CFAP77: variants seen among roughly 807,000 people sequenced by gnomAD.
CFAP77 encodes cilia and flagella associated protein 77, also known as cilia- and flagella-associated protein 77.
Under a neutral mutation model 31.1 loss-of-function variants are expected in CFAP77, and 25 were observed. That is an observed-to-expected ratio of 0.80 (90% CI 0.59 to 1.12). CFAP77 has a LOEUF of 1.12. Ranked by LOEUF, CFAP77 falls within the 50% of genes most tolerant of loss-of-function variation. The probability of loss-of-function intolerance (pLI) is 0.00; values close to 1 mark genes in which losing one functional copy is unlikely to be tolerated. For missense variants in CFAP77, 377 were observed against 397.3 expected (o/e 0.95, Z 0.44); for synonymous variants, 151 against 159.9 (o/e 0.94, Z 0.42).
intron 1 of CFAP77, among the ~76,000 whole-genome samples, chr9:132,479,056 A>C (rs544333719): frequency 6.6e-6 from 1 of 152,314 alleles, no homozygotes; most frequent in South Asian, 2.1e-4. Flanking sequence ...AGTCTTTTAC[A>C]ATAATGGGTA....
At chr9:132,537,737 G>A (rs1366797751) in intron 4 of CFAP77, 31 bp downstream of exon 4, 2 of 1,543,988 alleles carry the variant, frequency 1.3e-6, no homozygotes, top group Non-Finnish European at 1.8e-6. Flanking sequence ...CAAGTTGACA[G>A]CTGATGGGGT....
chr9:132,534,063 T>A (rs1370856593), intron 3 of CFAP77, among the ~76,000 whole-genome samples: 1 of 152,118 alleles, frequency 6.6e-6, no homozygotes, highest in Admixed American at 6.5e-5. Flanking sequence ...TCAAGATTGA[T>A]AACTGGGGTC....
intron 3 of CFAP77, among the ~76,000 whole-genome samples, chr9:132,514,149 T>A (rs1404330676): frequency 1.3e-5 from 2 of 149,674 alleles, no homozygotes; most frequent in Admixed American, 6.7e-5. Context: ...CCTGTGTCCC[T>A]GACCACGGGT....
chr9:132,413,271 C>G (rs1850039771), intron 1 of CFAP77, among the ~76,000 whole-genome samples: 2 of 152,096 alleles, frequency 1.3e-5, no homozygotes, highest in African/African-American at 4.8e-5. Flanking sequence ...CTGCAAGTTG[C>G]CACCATAACC....
At position 132,499,391 on chromosome 9, in the gene CFAP77, G is replaced by A. The variant is rs770937551; in HGVS notation, c.315G>A (p.Val105=). ...GVPEAIGRWN[V]FKQQPTCPHE... is the part of the protein sequence containing the mutation. ...CCTCAGCCATCGGACGCTGGAACGT[G>A]TTCAAGCAGCAGCCCACCTGCCCCC... is the stretch of plus-strand genomic sequence containing the variant. Residue 105 remains valine, a synonymous_variant, in exon 3 of 6, where the codon GTG becomes GTA. Transcript: ENST00000393216. The surrounding 1 kb of genome is among the most constrained non-coding windows in gnomAD (Gnocchi z 5.4). The A allele has an allele frequency of 2.5e-6, 4 of 1,614,052 alleles. No individual in the cohort carries two copies. In the Admixed American group the frequency reaches 5.0e-5, roughly 20 times the overall value.
intron 3 of CFAP77, among the ~76,000 whole-genome samples, chr9:132,507,432 T>A (rs1224295018): frequency 6.6e-6 from 1 of 152,144 alleles, no homozygotes; most frequent in African/African-American, 2.4e-5. Context: ...ATAAGAAACA[T>A]CAGATAAGCG....
rs1281539306 is a variant in CFAP77, at chr9:132,486,090, A to ATATAT, written c.196-12604_196-12603insATATT. Among the ~76,000 whole-genome samples, 19 of 15,362 alleles carry ATATAT rather than the reference A, an allele frequency of 1.2e-3. 6 individuals are homozygous for ATATAT. The highest frequency in any genetic ancestry group is 8.2e-3 in the African/African-American group (19 of 2,322). The allele number at this position is 15,362 out of a possible 152,430, so 10.1% of individuals were successfully genotyped here. On this transcript the variant is annotated intron_variant, in intron 1 of 5. Transcript: ENST00000393216. Reference sequence around the variant, plus strand: ...TGTATATATATATATATATATATATATTTTTTTTTTTTTTTTTTTTGAGAC... The same window carrying ATATAT: ...TGTATATATATATATATATATATATATATATTTTTTTTTTTTTTTTTTTTTGAGAC...
chr9:132,510,495 C>T (rs188137876), intron 3 of CFAP77, among the ~76,000 whole-genome samples: 18 of 152,334 alleles, frequency 1.2e-4, no homozygotes, highest in East Asian at 3.9e-4. Context: ...GTGAGCCAGC[C>T]GGCACCTCCC....
At chr9:132,427,288 A>G (rs916241524) in intron 1 of CFAP77, among the ~76,000 whole-genome samples, 4 of 152,024 alleles carry the variant, frequency 2.6e-5, no homozygotes, top group Non-Finnish European at 5.9e-5. Context: ...CTCAGCACCA[A>G]CGCTCTGTTT....
At chr9:132,443,312 G>A (rs1554736551) in intron 1 of CFAP77, among the ~76,000 whole-genome samples, 2 of 149,606 alleles carry the variant, frequency 1.3e-5, no homozygotes, top group South Asian at 2.1e-4. Context: ...GGAGTGCAAC[G>A]GCGTGATCTC....
intron 1 of CFAP77, among the ~76,000 whole-genome samples, chr9:132,465,073 CAAAA>C (rs773917029): frequency 1.2e-5 from 1 of 82,860 alleles, no homozygotes. Context: ...GACTCTGTCT[CAAAA>C]AAAAAAAAAA....
At chr9:132,518,996 A>G (rs1251490518) in intron 3 of CFAP77, among the ~76,000 whole-genome samples, 3 of 152,142 alleles carry the variant, frequency 2.0e-5, no homozygotes, top group Non-Finnish European at 4.4e-5. Flanking sequence ...GAGGATATTG[A>G]TATCAGTCTC....
chr9:132,415,455 G>A (rs998637121), intron 1 of CFAP77, among the ~76,000 whole-genome samples: 2 of 152,010 alleles, frequency 1.3e-5, no homozygotes, highest in Non-Finnish European at 2.9e-5. Context: ...CTGCCCTGCC[G>A]GAGGAGCCTG....
rs148029645 is a variant in CFAP77 at position 132,482,503 on chromosome 9, G to A, written c.196-16192G>A. ...CTCCCGGCTTCCGCACACCTACTGC[G>A]TGCTGGGCACCCGTGGCGCTTCACC... On this transcript the variant is annotated intron_variant, in intron 1 of 5. Transcript: ENST00000393216. 383 of 983,754 alleles carry A rather than the reference G, an allele frequency of 3.9e-4. 2 individuals are homozygous for A. The East Asian group carries it at 7.2e-3, about 19-fold the overall frequency. The allele number at this position is 983,754 out of a possible 1,614,324, so 60.9% of individuals were successfully genotyped here.
intron 1 of CFAP77, among the ~76,000 whole-genome samples, chr9:132,423,519 G>C (rs1282875035): frequency 1.3e-5 from 2 of 152,204 alleles, no homozygotes. Context: ...CCATTTTACA[G>C]ATGGGGAAGC....
rs114229988 is a variant in CFAP77 at position 132,553,232 on chromosome 9, G to A, written c.732+10185G>A. 7.6e-3 allele frequency among the ~76,000 whole-genome samples: 1,153 copies of A among 152,148 alleles called. 16 individuals carry two copies. The highest frequency in any genetic ancestry group is 0.026 in the African/African-American group (1,085 of 41,518). On this transcript the variant is annotated intron_variant, in intron 5 of 5. Transcript: ENST00000393216. ...CCTATCATGGGGGCCCCACCCTCAC[G>A]ATCCCATTTAAACCTAATCAACTCC...
chr9:132,542,711 C>G (rs1170516974), intron 4 of CFAP77, among the ~76,000 whole-genome samples: 4 of 152,216 alleles, frequency 2.6e-5, no homozygotes, highest in Non-Finnish European at 5.9e-5. Context: ...CTGGAATGCT[C>G]CGGGTGTCCT....
intron 5 of CFAP77, among the ~76,000 whole-genome samples, chr9:132,569,081 A>G (rs1370598841): frequency 6.6e-6 from 1 of 152,202 alleles, no homozygotes; most frequent in Non-Finnish European, 1.5e-5. Context: ...CACATTAAAT[A>G]CAGGTTTTGC....
At chr9:132,531,892 AG>A (rs1852460019) in intron 3 of CFAP77, among the ~76,000 whole-genome samples, 1 of 152,058 alleles carries the variant, frequency 6.6e-6, no homozygotes, top group African/African-American at 2.4e-5. Context: ...ATGTCAGCCG[AG>A]CCCGCAGGAG....
Sources: gnomAD v4.1 joint callset for allele counts (sites outside exome capture counted in the v4.1 genomes callset) on GRCh38, gnomAD v4.1.1 for gene constraint, Gnocchi (gnomAD v3.1) non-coding constraint, MANE v1.5 for transcripts, NCBI Gene and HGNC (gene_info 2026-07-23, HGNC 2026-07-21) for gene names.